Variants in PTPRF observed in about 807,000 individuals in gnomAD.
PTPRF encodes protein tyrosine phosphatase receptor type F.
PTPRF carries 59 observed loss-of-function variants against 201.8 expected under a neutral mutation model. The observed-to-expected ratio is 0.29, with a 90% CI of 0.24 to 0.36. PTPRF has a LOEUF of 0.36. Ranked by LOEUF, PTPRF falls within the 10% of genes least tolerant of loss-of-function variation. The pLI, the probability that PTPRF is intolerant of heterozygous loss-of-function variation, is 1.00. For missense variants in PTPRF, 2,132 were observed against 2,690.5 expected (o/e 0.79, Z 4.59); for synonymous variants, 1,088 against 1,089.7 (o/e 1.00, Z 0.03).
At chr1:43,531,495 G>A (rs1643506027) in intron 1 of PTPRF, among the ~76,000 whole-genome samples, 1 of 146,192 alleles carries the variant, frequency 6.8e-6, no homozygotes, top group Non-Finnish European at 1.5e-5. Flanking sequence ...CGCTCCGGGG[G>A]CGGCCCTCAG....
At chr1:43,577,062 G>T (rs1482684437) in intron 6 of PTPRF, among the ~76,000 whole-genome samples, 2 of 152,086 alleles carry the variant, frequency 1.3e-5, no homozygotes, top group Non-Finnish European at 2.9e-5. Context: ...GTCTCTGTTA[G>T]GCCCCCTGAC....
chr1:43,577,950 C>T (rs1458688502), intron 6 of PTPRF, among the ~76,000 whole-genome samples: 2 of 152,108 alleles, frequency 1.3e-5, no homozygotes, highest in African/African-American at 4.8e-5. Flanking sequence ...CAGGGGACGG[C>T]CAAGTCCAGT....
chr1:43,554,341 G>T lies in PTPRF; in HGVS notation c.379+400G>T, dbSNP rs990612579. ...GGCAGGTGTGTTCCTTGTTGCCCCTGTGAGCTGAGGGCTGGGGCTCTGTCC... is the reference window on the plus strand; with the variant it reads ...GGCAGGTGTGTTCCTTGTTGCCCCTTTGAGCTGAGGGCTGGGGCTCTGTCC... On this transcript the variant is annotated intron_variant, in intron 5 of 33. Transcript: ENST00000359947. The surrounding 1 kb of genome is among the most constrained non-coding windows in gnomAD (Gnocchi z 4.1). 1.3e-5 allele frequency among the ~76,000 whole-genome samples: 2 copies of T among 152,210 alleles called. No homozygotes were observed. Among genetic ancestry groups the T allele is most frequent in the Admixed American group, 1.3e-4 (2 of 15,282 alleles).
In PTPRF at chr1:43,591,823, C is replaced by T; in HGVS notation, c.1543C>T (p.Pro515Ser). 6.2e-7 allele frequency: 1 copy of T among 1,613,288 alleles called. No homozygotes were observed. The highest frequency in any genetic ancestry group is 8.5e-7 in the Non-Finnish European group (1 of 1,179,970). ...GTGGGGTGTTGCAGTGCCTGCCCAG[C>T]CCGCGGACTTCCAGGCCGAGGTGGA... ...VKTQQGVPAQ[P>S]ADFQAEVESD... is the part of the protein sequence containing the mutation. The change falls in exon 10 of 34, where the codon CCC (proline) becomes TCC (serine). Residue 515 changes from proline (P) to serine (S), a missense_variant. By Grantham distance (74) the Pro-to-Ser change is moderately conservative. This residue lies in a region of PTPRF where 351 missense variants were observed against 401.7 expected (regional missense o/e 0.87). Transcript: ENST00000359947.
intron 14 of PTPRF, among the ~76,000 whole-genome samples, 196 bp downstream of exon 14, chr1:43,602,293 G>A (rs768916631): frequency 6.6e-6 from 1 of 152,218 alleles, no homozygotes; most frequent in Non-Finnish European, 1.5e-5. Context: ...CTTACTTCTT[G>A]CCTGTCGAGC....
In PTPRF at chr1:43,603,849, C is replaced by T. The variant is rs1441860659; in HGVS notation, c.2697C>T (p.Gly899=). Residue 899 remains glycine, a synonymous_variant, in exon 16 of 34, where the codon GGC becomes GGT. Transcript: ENST00000359947. This position sits in a 1 kb window ranked among gnomAD's most constrained non-coding sequence, Gnocchi z 5.8. ...IFRLAAKNRA[G]LGEEFEKEIR... ...GGCTTGCTGCCAAGAACCGGGCTGG[C>T]TTGGGTGAGGAGTTCGAGAAGGAGA... 11 of 1,613,986 alleles carry T rather than the reference C, an allele frequency of 6.8e-6. No homozygotes were observed. The highest frequency in any genetic ancestry group is 9.3e-6 in the Non-Finnish European group (11 of 1,180,056).
Position 43,606,860 on chromosome 1 carries a change from T to A in PTPRF, c.3749T>A (p.Val1250Glu). ...SPYSDEIVVQ[V>E]TPAQQQEEPE... The stretch of plus-strand genomic sequence containing the variant: ...TACTCGGATGAGATCGTGGTCCAGG[T>A]GACACCAGCCCAGCAGCAGGAGGAG... The change falls in exon 21 of 34, where the codon GTG becomes GAG. Residue 1250 changes from valine to glutamate, a missense_variant. Physicochemically the swap from Val to Glu is moderately radical, Grantham distance 121. Around this residue, in one of 6 missense-constraint regions of PTPRF, gnomAD observed 818 missense variants for 915.3 expected, o/e 0.89. Coordinates refer to ENST00000359947, the MANE Select transcript of PTPRF (RefSeq NM_002840.5). 3 of 1,614,116 alleles carry A rather than the reference T, an allele frequency of 1.9e-6. No homozygotes were observed. The highest frequency in any genetic ancestry group is 2.5e-6 in the Non-Finnish European group (3 of 1,180,030).
rs564904320 is a variant in PTPRF at position 43,591,054 on chromosome 1, G to A, written c.1032G>A (p.Ser344=). The change falls in exon 9 of 34, where the codon TCG becomes TCA. Residue 344 remains serine, a synonymous_variant. Transcript: ENST00000359947. ...SVTLTWDSGN[S]EPVTYYGIQY... ...CCCTCACCTGGGACTCTGGGAACTC[G>A]GAGCCTGTAACCTACTATGGCATCC... 25 of 1,614,010 alleles carry A rather than the reference G, an allele frequency of 1.5e-5. No homozygotes were observed. Among genetic ancestry groups the A allele is most frequent in the African/African-American group, 8.0e-5 (6 of 75,078 alleles).
intron 9 of PTPRF, 29 bp from the exon 10 acceptor site, chr1:43,591,783 G>C (rs753708466): frequency 2.5e-6 from 4 of 1,611,798 alleles, no homozygotes; most frequent in Non-Finnish European, 3.4e-6. Context: ...CGCAGATGAG[G>C]CTGACCTGCC....
At chr1:43,534,370 A>C (rs1013479826) in intron 1 of PTPRF, among the ~76,000 whole-genome samples, 1 of 152,136 alleles carries the variant, frequency 6.6e-6, no homozygotes, top group Non-Finnish European at 1.5e-5. Flanking sequence ...AAGGATGGAG[A>C]CAGGATGCCC....
At chr1:43,589,769 G>C (rs1301070033) in intron 8 of PTPRF, among the ~76,000 whole-genome samples, 1 of 151,276 alleles carries the variant, frequency 6.6e-6, no homozygotes, top group Non-Finnish European at 1.5e-5. Context: ...GGCTGAGACA[G>C]GAGGATCACT....
At position 43,621,210 on chromosome 1, in the gene PTPRF, G is replaced by A. The variant is rs1659136436; in HGVS notation, c.5633G>A (p.Arg1878His). 1.2e-6 allele frequency: 2 copies of A among 1,614,132 alleles called. No individual in the cohort carries two copies. The highest frequency in any genetic ancestry group is 1.7e-6 in the Non-Finnish European group (2 of 1,179,986). Residue 1878 changes from arginine to histidine, a missense_variant, in exon 33 of 34, where the codon CGT becomes CAT. Around this residue, in one of 6 missense-constraint regions of PTPRF, gnomAD observed 519 missense variants for 659.5 expected, o/e 0.79. Transcript: ENST00000359947. ...ACCGTGAAGACCCTGCGTACACAGC[G>A]TCCTGCCATGGTGCAGACAGAGGTA... ...FQTVKTLRTQRPAMVQTEDQY... is the reference protein window; with the variant it reads ...FQTVKTLRTQHPAMVQTEDQY...
intron 6 of PTPRF, among the ~76,000 whole-genome samples, chr1:43,575,401 G>A (rs866776209): frequency 6.6e-6 from 1 of 152,138 alleles, no homozygotes; most frequent in African/African-American, 2.4e-5. Flanking sequence ...CGTTCCTCTC[G>A]GCTGGGCTGC....
chr1:43,618,621 C>T lies in PTPRF; in HGVS notation c.4372-9C>T. 6.3e-7 allele frequency: 1 copy of T among 1,589,894 alleles called. No homozygotes were observed. Among genetic ancestry groups the T allele is most frequent in the Non-Finnish European group, 8.6e-7 (1 of 1,161,402 alleles). ...CTTCCTTCAGCCTGCCCTGCTCATC[C>T]TCCTGCAGGTAAAATGTGATCAGTA... On this transcript the variant is annotated splice_polypyrimidine_tract_variant and intron_variant, in intron 25 of 33. Transcript: ENST00000359947.
intron 3 of PTPRF, among the ~76,000 whole-genome samples, chr1:43,549,111 T>G (rs1202566301): frequency 6.6e-6 from 1 of 152,166 alleles, no homozygotes; most frequent in East Asian, 1.9e-4. Flanking sequence ...ACTGTGTGTG[T>G]CAGGGAGGGG....
chr1:43,528,937 C>T (rs1305966080), upstream of PTPRF, among the ~76,000 whole-genome samples: 2 of 152,044 alleles, frequency 1.3e-5, no homozygotes, highest in African/African-American at 2.4e-5. Flanking sequence ...AGGACAGAGT[C>T]CCGGAAGAGC....
At chr1:43,580,063 C>CA (rs61490631) in intron 7 of PTPRF, 71,014 of 136,724 alleles carry the variant, frequency 0.52, 19,152 homozygotes, top group African/African-American at 0.72. Flanking sequence ...GACTCCATCT[C>CA]AAAAAAAAAA....
intron 8 of PTPRF, 126 bp from the exon 9 acceptor site, chr1:43,590,846 G>C: frequency 1.1e-6 from 1 of 902,920 alleles, no homozygotes; most frequent in South Asian, 1.7e-5. Flanking sequence ...CATTTTTCAA[G>C]GTAGGCTGTG....
At chr1:43,558,084 G>C (rs764107159) in intron 5 of PTPRF, among the ~76,000 whole-genome samples, 1 of 152,128 alleles carries the variant, frequency 6.6e-6, no homozygotes, top group African/African-American at 2.4e-5. Context: ...GGGTGGGGCC[G>C]GCAGGAGCCA....
Sources: allele counts gnomAD v4.1 joint callset (sites outside exome capture counted in the v4.1 genomes callset), GRCh38; gene constraint gnomAD v4.1.1; regional missense constraint gnomAD v4.1.1; non-coding constraint Gnocchi (gnomAD v3.1); transcripts MANE v1.5; gene names NCBI Gene and HGNC (gene_info 2026-07-23, HGNC 2026-07-21).